Variants in GTF3C2 observed in about 807,000 individuals in gnomAD.
GTF3C2 encodes the protein general transcription factor IIIC subunit 2, also known as general transcription factor 3C polypeptide 2.
GTF3C2 carries 17 observed loss-of-function variants against 117.4 expected under a neutral mutation model. That is an observed-to-expected ratio of 0.14 (90% CI 0.10 to 0.22). The LOEUF is 0.22. Ranked by LOEUF, GTF3C2 falls within the 10% of genes least tolerant of loss-of-function variation. The probability of loss-of-function intolerance (pLI) is 1.00; values close to 1 mark genes in which losing one functional copy is unlikely to be tolerated. For missense variants in GTF3C2, 888 were observed against 1,143.6 expected, an observed-to-expected ratio of 0.78 and a Z score of 3.22; for synonymous variants, 437 against 427.0, an observed-to-expected ratio of 1.02 and a Z score of -0.29.
Position 27,346,083 on chromosome 2 carries a change from G to A in GTF3C2, c.-24-2505C>T, listed in dbSNP as rs554760584. Among the ~76,000 whole-genome samples, 7 of 146,056 alleles carry A rather than the reference G, an allele frequency of 4.8e-5. No homozygotes were observed. The East Asian group carries it at 1.0e-3, about 21-fold the overall frequency. On this transcript the variant is annotated intron_variant, in intron 1 of 18. Transcript: ENST00000264720. ...TCACCCAGACTGGAGTGGTGCAGTGGTGTGATCACAGCTCACTGCAGCCTT... is the reference window on the plus strand; with the variant it reads ...TCACCCAGACTGGAGTGGTGCAGTGATGTGATCACAGCTCACTGCAGCCTT...
Position 27,329,066 on chromosome 2 carries a change from T to G in GTF3C2, c.2039+55A>C. ...CTCCCCACAACAATCTGGCATGCTT[T>G]GCATTCCAACCCTTAGGGCCTGTCC... On this transcript the variant is annotated intron_variant, in intron 14 of 18. Coordinates refer to ENST00000264720, the Ensembl canonical transcript of GTF3C2. The surrounding 1 kb of genome is among the most constrained non-coding windows in gnomAD (Gnocchi z 4.5). The G allele has an allele frequency of 6.4e-7, 1 of 1,569,142 alleles. No homozygotes were observed. The highest frequency in any genetic ancestry group is 8.8e-7 in the Non-Finnish European group (1 of 1,139,634).
In GTF3C2 at chr2:27,326,106, A is replaced by C. The variant is rs1037981367; in HGVS notation, c.*569T>G. The C allele has an allele frequency of 1.4e-5, 6 of 425,034 alleles. No individual in the cohort carries two copies. In the Admixed American group the frequency reaches 1.7e-4, roughly 12 times the overall value. The allele number at this position is 425,034 out of a possible 1,614,324, so 26.3% of individuals were successfully genotyped here. On this transcript the variant is annotated 3_prime_UTR_variant, in exon 19 of 19. Coordinates refer to ENST00000264720, the Ensembl canonical transcript of GTF3C2. Reference sequence around the variant, plus strand: ...CGTAAGCAGGAGCAAGTAAGATCTGAGCCACTGTTCTATCGGTAGGGTGTC... The same window carrying C: ...CGTAAGCAGGAGCAAGTAAGATCTGCGCCACTGTTCTATCGGTAGGGTGTC...
exon 10 of GTF3C2, chr2:27,335,689 C>T (rs1430614617): frequency 2.6e-6 from 4 of 1,560,802 alleles, no homozygotes; most frequent in South Asian, 2.4e-5. Flanking sequence ...AGAGACCCAA[C>T]CGGGGCAGGA....
intron 12 of GTF3C2, among the ~76,000 whole-genome samples, chr2:27,332,207 T>C (rs1680295521): frequency 6.6e-6 from 1 of 152,042 alleles, no homozygotes; most frequent in South Asian, 2.1e-4. Flanking sequence ...TAGTTAAAGA[T>C]GGGGTTTCAC....
At chr2:27,330,227 G>A (rs766517578) in intron 12 of GTF3C2, among the ~76,000 whole-genome samples, 2 of 151,382 alleles carry the variant, frequency 1.3e-5, no homozygotes, top group African/African-American at 4.9e-5. Flanking sequence ...GGAGGCCAAT[G>A]CGGGTGGATC....
intron 12 of GTF3C2, among the ~76,000 whole-genome samples, chr2:27,331,943 TAAAAC>T (rs924484815): frequency 5.9e-5 from 9 of 151,882 alleles, no homozygotes; most frequent in Non-Finnish European, 7.4e-5. Context: ...TATCTGAAAA[TAAAAC>T]AAAACAAAAC....
chr2:27,343,439 G>A, exon 2 of GTF3C2: 1 of 1,614,166 alleles, frequency 6.2e-7, no homozygotes, highest in South Asian at 1.1e-5. Flanking sequence ...CATTTCTGAA[G>A]AGGTCTTGAC....
chr2:27,354,361 G>A (rs1681250490), intron 1 of GTF3C2, among the ~76,000 whole-genome samples: 1 of 152,156 alleles, frequency 6.6e-6, no homozygotes, highest in Non-Finnish European at 1.5e-5. Context: ...CACGTCTACA[G>A]GAGAAAAACC....
Position 27,338,509 on chromosome 2 carries a change from A to G in GTF3C2, c.856-489T>C, listed in dbSNP as rs569770905. Reference sequence around the variant, plus strand: ...TCCTGGTAATCTCATCTCATGTCCCATGGCTTTGACTACTGTCTTTTTGTT... The same window carrying G: ...TCCTGGTAATCTCATCTCATGTCCCGTGGCTTTGACTACTGTCTTTTTGTT... On this transcript the variant is annotated intron_variant, in intron 4 of 18. Transcript: ENST00000264720. 1.1e-4 allele frequency among the ~76,000 whole-genome samples: 16 copies of G among 152,126 alleles called. No homozygotes were observed. The South Asian group carries it at 3.3e-3, about 32-fold the overall frequency.
chr2:27,326,103 C>T, exon 19 of GTF3C2: 2 of 421,190 alleles, frequency 4.7e-6, no homozygotes, highest in South Asian at 3.6e-5. Flanking sequence ...CAAGTAAGAT[C>T]TGAGCCACTG....
At chr2:27,337,800 G>A in intron 5 of GTF3C2, 126 bp downstream of exon 5, 2 of 729,748 alleles carry the variant, frequency 2.7e-6, no homozygotes, top group South Asian at 3.1e-5. Flanking sequence ...GTGCTTTTTA[G>A]TAATGAATGT....
chr2:27,337,725 G>A, intron 5 of GTF3C2, 167 bp from the exon 6 acceptor site: 1 of 685,358 alleles, frequency 1.5e-6, no homozygotes, highest in Non-Finnish European at 2.6e-6. Flanking sequence ...GCGCAGCTGA[G>A]AAACAGAGCC....
chr2:27,343,945 AAGAC>A (rs894257060), intron 1 of GTF3C2, among the ~76,000 whole-genome samples: 1 of 152,206 alleles, frequency 6.6e-6, no homozygotes, highest in African/African-American at 2.4e-5. Flanking sequence ...GACAATAAAC[AAGAC>A]AGACAAGGTC....
At chr2:27,344,301 GATA>G (rs2148314841) in intron 1 of GTF3C2, among the ~76,000 whole-genome samples, 1 of 152,300 alleles carries the variant, frequency 6.6e-6, no homozygotes, top group South Asian at 2.1e-4. Context: ...TGGGATTACA[GATA>G]ATGAGTCACT....
intron 1 of GTF3C2, among the ~76,000 whole-genome samples, chr2:27,351,060 G>C (rs1390522169): frequency 6.6e-6 from 1 of 151,938 alleles, no homozygotes; most frequent in Non-Finnish European, 1.5e-5. Flanking sequence ...AGACTGCAGT[G>C]AGCTATGATT....
Position 27,338,341 on chromosome 2 carries a change from C to G in GTF3C2, c.856-321G>C, listed in dbSNP as rs2148288368. On this transcript the variant is annotated intron_variant, in intron 4 of 18. Transcript: ENST00000264720. Reference sequence around the variant, plus strand: ...ATGGAATAGTCTCCCTTACTCCTCTCCCCTCTCTTAATATTCCTTCACAGG... The same window carrying G: ...ATGGAATAGTCTCCCTTACTCCTCTGCCCTCTCTTAATATTCCTTCACAGG... The G allele has an allele frequency of 9.5e-6, 3 of 314,956 alleles. No individual in the cohort carries two copies. In the South Asian group the frequency reaches 9.8e-5, roughly 10 times the overall value. 19.5% of individuals were successfully genotyped at this position (314,956 alleles called of 1,614,324 possible). A position where few individuals can be genotyped will look rare whatever the true frequency, so the allele number is the denominator to read the frequency against.
exon 18 of GTF3C2, chr2:27,327,209 G>A: frequency 1.9e-6 from 3 of 1,605,270 alleles, no homozygotes; most frequent in South Asian, 1.1e-5. Flanking sequence ...AGCCTGTCCA[G>A]GCAGAGTTGA....
exon 3 of GTF3C2, chr2:27,342,895 G>C: frequency 6.2e-7 from 1 of 1,614,198 alleles, no homozygotes; most frequent in Non-Finnish European, 8.5e-7. Context: ...CCTCTTTGGA[G>C]ATTGAGATTC....
intron 4 of GTF3C2, among the ~76,000 whole-genome samples, chr2:27,338,952 A>G (rs1558617936): frequency 6.6e-6 from 1 of 152,072 alleles, no homozygotes; most frequent in Non-Finnish European, 1.5e-5. Context: ...ACAAATGCAT[A>G]CCACCAAACC....
Sources: allele counts gnomAD v4.1 joint callset (sites outside exome capture counted in the v4.1 genomes callset), GRCh38; gene constraint gnomAD v4.1.1; non-coding constraint Gnocchi (gnomAD v3.1); transcripts MANE v1.5; gene names NCBI Gene and HGNC (gene_info 2026-07-23, HGNC 2026-07-21).